Variants in GRID2 observed in about 807,000 individuals in gnomAD.
GRID2 encodes glutamate ionotropic receptor delta type subunit 2.
GRID2 carries 33 observed loss-of-function variants against 114.8 expected under a neutral mutation model. The observed-to-expected ratio is 0.29, with a 90% CI of 0.22 to 0.38. The LOEUF (loss-of-function observed/expected upper bound fraction) is 0.38, where lower values mean the gene tolerates loss of function less well. Among genes scored for constraint, GRID2 ranks in the 10% least tolerant of loss-of-function variants. GRID2 has a pLI of 1.00. For missense variants in GRID2, 1,184 were observed against 1,257.7 expected (o/e 0.94, Z 0.89); for synonymous variants, 505 against 449.9 (o/e 1.12, Z -1.55).
At chr4:92,494,401 G>T (rs1327555425) in intron 1 of GRID2, among the ~76,000 whole-genome samples, 1 of 151,856 alleles carries the variant, frequency 6.6e-6, no homozygotes. Flanking sequence ...TAGATAACCA[G>T]GTCATTAGTA....
chr4:93,035,328 G>A (rs1724834196), intron 2 of GRID2, among the ~76,000 whole-genome samples: 1 of 151,988 alleles, frequency 6.6e-6, no homozygotes, highest in East Asian at 1.9e-4. Flanking sequence ...TGCCCAGGAT[G>A]GTCTTGAGCT....
chr4:93,808,363 C>T (rs1735070698), exon 2 of GRID2: 1 of 152,182 alleles, frequency 6.6e-6, no homozygotes, highest in African/African-American at 2.4e-5. Flanking sequence ...ACTGTACCTA[C>T]CTCACAGGGT....
At chr4:93,274,779 T>G (rs1561073425) in intron 8 of GRID2, among the ~76,000 whole-genome samples, 1 of 152,060 alleles carries the variant, frequency 6.6e-6, no homozygotes, top group Non-Finnish European at 1.5e-5. Context: ...ATAATTTAGC[T>G]TTTCAGAAAA....
chr4:92,545,388 C>A (rs1726193632), intron 1 of GRID2, among the ~76,000 whole-genome samples: 1 of 152,102 alleles, frequency 6.6e-6, no homozygotes, highest in African/African-American at 2.4e-5. Flanking sequence ...ACCAGTTTTT[C>A]TCTTGCTCAA....
intron 14 of GRID2, among the ~76,000 whole-genome samples, chr4:93,704,298 T>A (rs563393775): frequency 6.3e-4 from 96 of 152,338 alleles, no homozygotes; most frequent in African/African-American, 2.1e-3. Flanking sequence ...TGTCTTCTTT[T>A]AAGAAGTGTC....
At chr4:92,927,462 G>T (rs1227768048) in intron 2 of GRID2, among the ~76,000 whole-genome samples, 5 of 151,790 alleles carry the variant, frequency 3.3e-5, no homozygotes, top group Non-Finnish European at 7.4e-5. Flanking sequence ...CCACAGGGTA[G>T]CACAAAGAGA....
chr4:93,636,874 G>T (rs1440391977), intron 14 of GRID2, among the ~76,000 whole-genome samples: 2 of 152,100 alleles, frequency 1.3e-5, no homozygotes, highest in African/African-American at 2.4e-5. Flanking sequence ...TTAAAACCAT[G>T]CCCTGGAGAC....
intron 13 of GRID2, among the ~76,000 whole-genome samples, chr4:93,597,328 T>C (rs1739207980): frequency 6.6e-6 from 1 of 152,244 alleles, no homozygotes; most frequent in African/African-American, 2.4e-5. Flanking sequence ...AATATATTTC[T>C]ACTTGTAGTT....
rs571847270 is a variant in GRID2 at position 92,960,157 on chromosome 4, T to C, written c.245-124838T>C. ...TTGTTTGATTCCTATTCTTTCAAATTTGTTAAAATATGTTTTATGGCCCAG... is the reference window on the plus strand; with the variant it reads ...TTGTTTGATTCCTATTCTTTCAAATCTGTTAAAATATGTTTTATGGCCCAG... On this transcript the variant is annotated intron_variant, in intron 2 of 15. Coordinates refer to ENST00000282020, the MANE Select transcript of GRID2 (RefSeq NM_001510.4). Among the ~76,000 whole-genome samples, 212 of 152,184 alleles carry C rather than the reference T, an allele frequency of 1.4e-3. 1 individual carries two copies. The highest frequency in any genetic ancestry group is 4.9e-3 in the African/African-American group (204 of 41,540).
intron 1 of GRID2, among the ~76,000 whole-genome samples, chr4:92,434,124 G>T (rs1732611984): frequency 6.6e-6 from 1 of 152,202 alleles, no homozygotes; most frequent in Admixed American, 6.5e-5. Flanking sequence ...TAATATCAGA[G>T]TAGAAATTTT....
At chr4:93,311,620 T>C (rs1235644386) in intron 8 of GRID2, among the ~76,000 whole-genome samples, 7 of 152,268 alleles carry the variant, frequency 4.6e-5, no homozygotes, top group Admixed American at 2.0e-4. Context: ...AGAAAAGAAA[T>C]AGATTAGCAC....
At chr4:93,800,059 T>C (rs1241775690) in intron 1 of GRID2, among the ~76,000 whole-genome samples, 1 of 152,234 alleles carries the variant, frequency 6.6e-6, no homozygotes, top group Non-Finnish European at 1.5e-5. Flanking sequence ...TGGATTAATA[T>C]GTAGAGTAGG....
chr4:93,545,866 G>T (rs1404032126), intron 13 of GRID2, among the ~76,000 whole-genome samples: 2 of 152,180 alleles, frequency 1.3e-5, no homozygotes, highest in East Asian at 3.8e-4. Context: ...CACTATTAGT[G>T]AGTCAGTAGT....
At chr4:93,182,339 A>T (rs1488650399) in intron 4 of GRID2, among the ~76,000 whole-genome samples, 1 of 152,104 alleles carries the variant, frequency 6.6e-6, no homozygotes, top group Non-Finnish European at 1.5e-5. Context: ...CCATTAACTT[A>T]AAAAAATGAA....
chr4:93,205,461 T>C (rs1742619356), intron 4 of GRID2, among the ~76,000 whole-genome samples: 1 of 152,148 alleles, frequency 6.6e-6, no homozygotes, highest in Admixed American at 6.6e-5. Context: ...TCCAGTTTCA[T>C]CCATGTCCCT....
At chr4:92,920,304 T>C (rs1749201610) in intron 2 of GRID2, among the ~76,000 whole-genome samples, 1 of 152,300 alleles carries the variant, frequency 6.6e-6, no homozygotes, top group Middle Eastern at 3.4e-3. Flanking sequence ...TTTATCCAAT[T>C]TGCCAGACTG....
At chr4:93,423,409 T>C (rs1423496317) in intron 10 of GRID2, among the ~76,000 whole-genome samples, 1 of 136,112 alleles carries the variant, frequency 7.3e-6, no homozygotes, top group Non-Finnish European at 1.5e-5. Context: ...GTGCAGTGGC[T>C]GGATCTCGGC....
At chr4:92,472,576 C>G (rs1722099566) in intron 1 of GRID2, among the ~76,000 whole-genome samples, 1 of 152,108 alleles carries the variant, frequency 6.6e-6, no homozygotes, top group Admixed American at 6.6e-5. Context: ...TGCTCCACAT[C>G]TTCATCAATA....
Position 93,736,188 on chromosome 4 carries a change from A to G in GRID2, c.2361-33022A>G, listed in dbSNP as rs1363675350. Among the ~76,000 whole-genome samples the G allele has an allele frequency of 2.0e-5, 3 of 152,010 alleles. No individual in the cohort carries two copies. In the South Asian group the frequency reaches 6.2e-4, roughly 31 times the overall value. ...CCTATTTTGGCCAAAGTTATACATG[A>G]TGATGATGATTAGCACACAAAGATA... is the stretch of plus-strand genomic sequence containing the variant. On this transcript the variant is annotated intron_variant, in intron 14 of 15. Transcript: ENST00000282020.
Sources: gnomAD v4.1 joint callset for allele counts (sites outside exome capture counted in the v4.1 genomes callset) on GRCh38, gnomAD v4.1.1 for gene constraint, MANE v1.5 for transcripts, NCBI Gene and HGNC (gene_info 2026-07-23, HGNC 2026-07-21) for gene names.